ZHX2: variants seen among roughly 807,000 people sequenced by gnomAD.
The protein encoded by ZHX2 is zinc fingers and homeoboxes 2.
A neutral mutation model predicts 21.9 loss-of-function variants in ZHX2; 6 were observed. The ratio of observed to expected loss-of-function variants is 0.27; its 90% CI spans 0.15 to 0.54. ZHX2 has a LOEUF of 0.54. Among genes scored for constraint, ZHX2 ranks in the 20% least tolerant of loss-of-function variants. The pLI, the probability that ZHX2 is intolerant of heterozygous loss-of-function variation, is 0.95. For missense variants in ZHX2, 908 were observed against 1,090.7 expected, an observed-to-expected ratio of 0.83 and a Z score of 2.36; for synonymous variants, 434 against 437.1, an observed-to-expected ratio of 0.99 and a Z score of 0.09.
At chr8:122,963,369 T>G (rs1813503971) in intron 3 of ZHX2, among the ~76,000 whole-genome samples, 1 of 152,202 alleles carries the variant, frequency 6.6e-6, no homozygotes, top group Non-Finnish European at 1.5e-5. Context: ...CACCATTTAT[T>G]GAATAGGGTG....
intron 2 of ZHX2, among the ~76,000 whole-genome samples, chr8:122,942,974 A>G (rs1257324222): frequency 6.6e-6 from 1 of 152,196 alleles, no homozygotes; most frequent in Admixed American, 6.5e-5. Flanking sequence ...AGGAATGCAC[A>G]GTCATGGCCA....
At chr8:122,830,576 G>A (rs748590896) in intron 1 of ZHX2, among the ~76,000 whole-genome samples, 1 of 152,140 alleles carries the variant, frequency 6.6e-6, no homozygotes, top group Non-Finnish European at 1.5e-5. Context: ...AGATGGGTTG[G>A]TATTCACCAT....
intron 1 of ZHX2, among the ~76,000 whole-genome samples, chr8:122,858,563 T>C (rs1819085852): frequency 6.6e-6 from 1 of 152,042 alleles, no homozygotes; most frequent in African/African-American, 2.4e-5. Context: ...AGGTTGGAAA[T>C]GTGTGTGCCT....
At chr8:122,892,210 A>G (rs1358874105) in intron 2 of ZHX2, among the ~76,000 whole-genome samples, 1 of 152,160 alleles carries the variant, frequency 6.6e-6, no homozygotes, top group Non-Finnish European at 1.5e-5. Flanking sequence ...TTTTTGGCTT[A>G]AAGTCTATTT....
chr8:122,917,407 GCCCAC>G (rs1820631943), intron 2 of ZHX2, among the ~76,000 whole-genome samples: 1 of 151,890 alleles, frequency 6.6e-6, no homozygotes, highest in South Asian at 2.1e-4. Flanking sequence ...CCACACCCAA[GCCCAC>G]AGTGGATTCT....
intron 1 of ZHX2, among the ~76,000 whole-genome samples, chr8:122,826,552 T>C (rs899481877): frequency 6.6e-6 from 1 of 152,152 alleles, no homozygotes; most frequent in Non-Finnish European, 1.5e-5. Context: ...GGGTCAGCCC[T>C]TTGAGGTTGC....
chr8:122,792,197 G>C (rs1315892923), intron 1 of ZHX2, among the ~76,000 whole-genome samples: 3 of 152,168 alleles, frequency 2.0e-5, no homozygotes, highest in South Asian at 2.1e-4. Flanking sequence ...TGCTGTCTCT[G>C]TAGGTTTGCC....
chr8:122,866,460 C>T (rs774737368), intron 2 of ZHX2, among the ~76,000 whole-genome samples: 6 of 152,244 alleles, frequency 3.9e-5, no homozygotes, highest in Non-Finnish European at 8.8e-5. Flanking sequence ...CTGCCTTTGG[C>T]TCCCTCACCC....
At chr8:122,861,519 G>A (rs768343437) in intron 1 of ZHX2, among the ~76,000 whole-genome samples, 1 of 152,146 alleles carries the variant, frequency 6.6e-6, no homozygotes, top group Non-Finnish European at 1.5e-5. Context: ...CTCTTGGTCT[G>A]TGAGTCTATT....
At chr8:122,901,564 A>T (rs1048269338) in intron 2 of ZHX2, among the ~76,000 whole-genome samples, 2 of 152,198 alleles carry the variant, frequency 1.3e-5, no homozygotes, top group African/African-American at 4.8e-5. Context: ...GTTCTCTGGG[A>T]ATCAAATCTC....
chr8:122,794,544 C>G (rs937609703), intron 1 of ZHX2, among the ~76,000 whole-genome samples: 1 of 152,174 alleles, frequency 6.6e-6, no homozygotes. Flanking sequence ...GTGGGTCAGA[C>G]TAGAGAGCAT....
intron 2 of ZHX2, among the ~76,000 whole-genome samples, chr8:122,937,038 T>C (rs900926018): frequency 3.3e-5 from 5 of 152,148 alleles, no homozygotes; most frequent in African/African-American, 1.2e-4. Context: ...CAGGCATGGG[T>C]AGGGGTCTTT....
intron 2 of ZHX2, among the ~76,000 whole-genome samples, chr8:122,928,002 C>T (rs1409030593): frequency 1.3e-5 from 2 of 152,106 alleles, no homozygotes; most frequent in African/African-American, 2.4e-5. Context: ...GTCCTGCTTC[C>T]CCTCTCCTCT....
Position 122,954,284 on chromosome 8 carries a change from G to T in ZHX2, c.*4+256G>T, listed in dbSNP as rs554985446. Among the ~76,000 whole-genome samples the T allele has an allele frequency of 4.6e-5, 7 of 152,192 alleles. 1 individual carries two copies. In the South Asian group the frequency reaches 1.4e-3, roughly 32 times the overall value. On this transcript the variant is annotated intron_variant, in intron 3 of 3. Transcript: ENST00000314393. ...CACATACTTATTCTTGTAGTGGAAG[G>T]GTCTGGTTTTGGTTTTGGTGTTTTG...
At chr8:122,915,629 G>A (rs1165590445) in intron 2 of ZHX2, among the ~76,000 whole-genome samples, 1 of 152,208 alleles carries the variant, frequency 6.6e-6, no homozygotes, top group African/African-American at 2.4e-5. Context: ...AGTTATGGGT[G>A]ATTAATAGGA....
intron 2 of ZHX2, among the ~76,000 whole-genome samples, chr8:122,875,178 T>C (rs1433385727): frequency 3.7e-5 from 2 of 53,378 alleles, no homozygotes; most frequent in Non-Finnish European, 4.1e-5. Context: ...TATATATATA[T>C]ATATATATAT....
intron 1 of ZHX2, among the ~76,000 whole-genome samples, chr8:122,857,144 CCT>C (rs1819045517): frequency 6.6e-6 from 1 of 152,162 alleles, no homozygotes; most frequent in Non-Finnish European, 1.5e-5. Flanking sequence ...TCCTCCTATG[CCT>C]CTCTGTGCAA....
At chr8:122,834,529 G>C (rs1312730441) in intron 1 of ZHX2, among the ~76,000 whole-genome samples, 1 of 152,254 alleles carries the variant, frequency 6.6e-6, no homozygotes, top group East Asian at 1.9e-4. Flanking sequence ...CAGGGCCCCT[G>C]ATGGCAGAGG....
intron 1 of ZHX2, among the ~76,000 whole-genome samples, chr8:122,813,815 T>C (rs1369906022): frequency 6.6e-6 from 1 of 152,206 alleles, no homozygotes; most frequent in Non-Finnish European, 1.5e-5. Flanking sequence ...ATGTCAGATT[T>C]TTTATTAGGG....
Sources: allele counts gnomAD v4.1 joint callset (sites outside exome capture counted in the v4.1 genomes callset), GRCh38; gene constraint gnomAD v4.1.1; transcripts MANE v1.5; gene names NCBI Gene and HGNC (gene_info 2026-07-23, HGNC 2026-07-21).